DOCK2: variants seen among roughly 807,000 people sequenced by gnomAD.
The protein encoded by DOCK2 is dedicator of cytokinesis protein 2.
A neutral mutation model predicts 248.9 loss-of-function variants in DOCK2; 87 were observed. The observed-to-expected ratio is 0.35, with a 90% CI of 0.29 to 0.42. The LOEUF (loss-of-function observed/expected upper bound fraction) is 0.42. DOCK2 is among the 10% of genes least tolerant of loss of function. The pLI is 1.00. For synonymous variants in DOCK2, 805 were observed against 821.6 expected (o/e 0.98, Z 0.35); for missense variants, 1,747 against 2,300.2 (o/e 0.76, Z 4.92).
At chr5:169,991,532 A>G (rs1410862881) in intron 29 of DOCK2, among the ~76,000 whole-genome samples, 1 of 152,232 alleles carries the variant, frequency 6.6e-6, no homozygotes, top group African/African-American at 2.4e-5. Context: ...ACTTCTGTCC[A>G]GGCTTGGGTA....
chr5:170,019,312 A>C (rs1206181743), intron 33 of DOCK2, among the ~76,000 whole-genome samples: 1 of 152,156 alleles, frequency 6.6e-6, no homozygotes, highest in Admixed American at 6.5e-5. Context: ...ACAAGATTAA[A>C]ATGCAGTTTC....
At chr5:169,774,852 C>T (rs1256551445) in intron 25 of DOCK2, among the ~76,000 whole-genome samples, 1 of 152,184 alleles carries the variant, frequency 6.6e-6, no homozygotes, top group Admixed American at 6.5e-5. Context: ...CCCTAAAACA[C>T]AGTGCCATCT....
At chr5:170,000,017 C>A (rs139358700) in intron 30 of DOCK2, 1 of 152,366 alleles carries the variant, frequency 6.6e-6, no homozygotes, top group Non-Finnish European at 1.5e-5. Context: ...CGGCTAAGAT[C>A]ACTTGCATTC....
chr5:169,774,889 GTT>G (rs1332197207), intron 25 of DOCK2, among the ~76,000 whole-genome samples: 1 of 134,562 alleles, frequency 7.4e-6, no homozygotes, highest in Non-Finnish European at 1.5e-5. Flanking sequence ...CCCCATGACT[GTT>G]TTTTGTTGTT....
rs368469667 is a variant in DOCK2 at position 169,954,111 on chromosome 5, A to G, written c.2800-28957A>G. Among the ~76,000 whole-genome samples, 244 of 152,320 alleles carry G rather than the reference A, an allele frequency of 1.6e-3. 4 individuals carry two copies. The South Asian group carries it at 0.044, about 27-fold the overall frequency. ...ACCCCACATTTTATCAAACATACTG[A>G]AAGTCACCCACATTTCACATTAATT... On this transcript the variant is annotated intron_variant, in intron 27 of 51. Coordinates refer to ENST00000520908, the MANE Select transcript of DOCK2 (RefSeq NM_004946.3).
At chr5:170,078,880 A>T in intron 48 of DOCK2, 95 bp from the exon 49 acceptor site, 1 of 1,431,030 alleles carries the variant, frequency 7.0e-7, no homozygotes. Flanking sequence ...CAGCTCAGGC[A>T]GCCCAAAGGT....
At chr5:169,678,447 A>G (rs1208462568) in intron 6 of DOCK2, among the ~76,000 whole-genome samples, 1 of 152,078 alleles carries the variant, frequency 6.6e-6, no homozygotes, top group African/African-American at 2.4e-5. Flanking sequence ...TATTTTTAGT[A>G]GAGACGGGGT....
intron 27 of DOCK2, among the ~76,000 whole-genome samples, chr5:169,881,910 C>T (rs761367438): frequency 1.3e-5 from 2 of 152,164 alleles, no homozygotes; most frequent in African/African-American, 2.4e-5. Context: ...TCTGCAGGGA[C>T]GAGCATTTCG....
intron 27 of DOCK2, among the ~76,000 whole-genome samples, chr5:169,867,283 A>G (rs1771627048): frequency 1.3e-5 from 2 of 152,218 alleles, no homozygotes; most frequent in Admixed American, 1.3e-4. Context: ...GGACAGGAGA[A>G]GGTCAGAGAA....
At chr5:169,971,528 CA>C (rs1268859665) in intron 27 of DOCK2, among the ~76,000 whole-genome samples, 2 of 149,552 alleles carry the variant, frequency 1.3e-5, no homozygotes, top group Non-Finnish European at 3.0e-5. Context: ...GTCAGCTTTT[CA>C]AACAGTTATC....
intron 6 of DOCK2, among the ~76,000 whole-genome samples, chr5:169,681,150 G>T (rs1759640024): frequency 8.6e-6 from 1 of 116,170 alleles, no homozygotes; most frequent in Non-Finnish European, 1.6e-5. Context: ...CTGAGATGGA[G>T]TCTCGCTCTG....
chr5:169,949,297 G>A (rs1776566518), intron 27 of DOCK2, among the ~76,000 whole-genome samples: 1 of 152,156 alleles, frequency 6.6e-6, no homozygotes, highest in African/African-American at 2.4e-5. Context: ...TCCCAGGAGG[G>A]AGATCATAAT....
intron 26 of DOCK2, among the ~76,000 whole-genome samples, chr5:169,810,915 C>T (rs965086094): frequency 2.0e-5 from 3 of 150,846 alleles, no homozygotes; most frequent in East Asian, 3.9e-4. Context: ...TTGTCTAATG[C>T]GTTGAATATG....
intron 41 of DOCK2, among the ~76,000 whole-genome samples, chr5:170,053,827 A>C (rs977606581): frequency 6.6e-6 from 1 of 152,190 alleles, no homozygotes; most frequent in Non-Finnish European, 1.5e-5. Context: ...AATTCAATTT[A>C]ATTTGGAACT....
At chr5:169,802,070 G>T (rs993581652) in intron 25 of DOCK2, among the ~76,000 whole-genome samples, 4 of 152,012 alleles carry the variant, frequency 2.6e-5, no homozygotes, top group Non-Finnish European at 5.9e-5. Context: ...GGGAAATATG[G>T]AGACAAAGCT....
chr5:169,989,488 C>T (rs1778155221), intron 29 of DOCK2, among the ~76,000 whole-genome samples: 1 of 152,188 alleles, frequency 6.6e-6, no homozygotes, highest in South Asian at 2.1e-4. Flanking sequence ...TCATGAGCAT[C>T]CAGGGTTGTA....
chr5:170,020,203 G>C (rs559362480), intron 33 of DOCK2, among the ~76,000 whole-genome samples: 1 of 152,082 alleles, frequency 6.6e-6, no homozygotes, highest in Non-Finnish European at 1.5e-5. Context: ...CACCTGAATG[G>C]CATTGCCTCT....
intron 27 of DOCK2, among the ~76,000 whole-genome samples, chr5:169,939,618 C>T (rs113295181): frequency 0.044 from 6,644 of 152,168 alleles, 215 homozygotes; most frequent in Non-Finnish European, 0.066. Context: ...GTGAGTGATG[C>T]ATTGTGTTAT....
chr5:170,061,059 A>C (rs1757311358), intron 44 of DOCK2, among the ~76,000 whole-genome samples: 2 of 152,112 alleles, frequency 1.3e-5, no homozygotes, highest in Admixed American at 1.3e-4. Flanking sequence ...AAAATATGAA[A>C]TGCCACCTAA....
Sources: allele counts gnomAD v4.1 joint callset (sites outside exome capture counted in the v4.1 genomes callset), GRCh38; gene constraint gnomAD v4.1.1; transcripts MANE v1.5; gene names NCBI Gene and HGNC (gene_info 2026-07-23, HGNC 2026-07-21).